Variants in STIM2 observed in about 807,000 individuals in gnomAD.
STIM2 encodes stromal interaction molecule 2.
Under a neutral mutation model 85.8 loss-of-function variants are expected in STIM2, and 31 were observed. The ratio of observed to expected loss-of-function variants is 0.36; its 90% CI spans 0.27 to 0.49. The LOEUF is 0.49. Ranked by LOEUF, STIM2 falls within the 20% of genes least tolerant of loss-of-function variation. The probability of loss-of-function intolerance (pLI) is 0.98; values close to 1 mark genes in which losing one functional copy is unlikely to be tolerated. For missense variants in STIM2, 841 were observed against 927.6 expected (o/e 0.91, Z 1.21); for synonymous variants, 356 against 331.1 (o/e 1.08, Z -0.82).
intron 1 of STIM2, among the ~76,000 whole-genome samples, chr4:26,901,036 C>T (rs1214007439): frequency 6.6e-6 from 1 of 152,158 alleles, no homozygotes; most frequent in Admixed American, 6.5e-5. Flanking sequence ...TAAGAATTTC[C>T]TCTTTCCTTC....
intron 2 of STIM2, among the ~76,000 whole-genome samples, chr4:26,943,636 C>A (rs1435308691): frequency 2.6e-5 from 4 of 152,082 alleles, no homozygotes; most frequent in Admixed American, 2.6e-4. Flanking sequence ...GAAACAGTAT[C>A]TGATAGACCC....
rs1282192959 is a variant in STIM2 at position 26,955,011 on chromosome 4, AT to A, written c.283-2595del. The stretch of plus-strand genomic sequence containing the variant: ...TTTTATTTCTTAGGAATTCTTTATT[AT>A]TTTTTCTTAGAAATTTCTTAGAAAT... On this transcript the variant is annotated intron_variant, in intron 2 of 11. Transcript: ENST00000467087. 1.6e-4 allele frequency among the ~76,000 whole-genome samples: 23 copies of A among 146,384 alleles called. 2 individuals are homozygous for A. In the East Asian group the frequency reaches 3.1e-3, roughly 20 times the overall value.
chr4:26,941,962 A>G lies in STIM2; in HGVS notation c.283-15650A>G, dbSNP rs1725624826. ...TTCTTTTGTAGAAGACAATGAAGAG[A>G]AATCTTTGTATTACTGTAAAACCTG... On this transcript the variant is annotated intron_variant, in intron 2 of 11. Transcript: ENST00000467087. Among the ~76,000 whole-genome samples the G allele has an allele frequency of 2.6e-5, 4 of 152,196 alleles. No homozygotes were observed. The South Asian group carries it at 8.3e-4, about 31-fold the overall frequency.
At chr4:26,979,851 A>G (rs1327761819) in intron 3 of STIM2, among the ~76,000 whole-genome samples, 4 of 152,192 alleles carry the variant, frequency 2.6e-5, no homozygotes, top group East Asian at 1.9e-4. Flanking sequence ...TTCATTTTCT[A>G]TATTTGTTAA....
chr4:26,935,167 G>A (rs562317740), intron 2 of STIM2, among the ~76,000 whole-genome samples: 1 of 152,226 alleles, frequency 6.6e-6, no homozygotes, highest in African/African-American at 2.4e-5. Flanking sequence ...AGGAAGTAAT[G>A]ATTTTGGACG....
At chr4:26,920,881 T>C (rs180899273) in intron 2 of STIM2, among the ~76,000 whole-genome samples, 180 of 152,334 alleles carry the variant, frequency 1.2e-3, no homozygotes, top group Non-Finnish European at 2.0e-3. Context: ...TCTGGACCTA[T>C]TTCTCGATTC....
intron 2 of STIM2, among the ~76,000 whole-genome samples, chr4:26,942,194 C>A (rs1262152565): frequency 6.6e-6 from 1 of 152,064 alleles, no homozygotes; most frequent in African/African-American, 2.4e-5. Flanking sequence ...TAAGCTTTAT[C>A]TTCTCTCCTA....
intron 3 of STIM2, among the ~76,000 whole-genome samples, chr4:26,973,503 A>G (rs1426758309): frequency 6.6e-6 from 1 of 152,116 alleles, no homozygotes; most frequent in South Asian, 2.1e-4. Flanking sequence ...TTTTCCCAGT[A>G]GTCATTCAGG....
At chr4:26,972,735 C>G (rs1460387807) in intron 3 of STIM2, among the ~76,000 whole-genome samples, 2 of 152,146 alleles carry the variant, frequency 1.3e-5, no homozygotes, top group African/African-American at 2.4e-5. Flanking sequence ...GCTTTGGTAT[C>G]AGGTTGATGC....
chr4:27,004,219 G>A (rs1310584750), intron 7 of STIM2, among the ~76,000 whole-genome samples: 1 of 152,088 alleles, frequency 6.6e-6, no homozygotes, highest in Non-Finnish European at 1.5e-5. Context: ...TTTTATAACT[G>A]TTAACCACTC....
rs1725188467 is a variant in STIM2, at chr4:26,931,079, G to A, written c.282+11445G>A. On this transcript the variant is annotated intron_variant, in intron 2 of 11. Transcript: ENST00000467087. Reference sequence around the variant, plus strand: ...TTAGTCTCAGAGGTCCTCAATGGCTGTTGGAGATACCAGTTTTCTGCCGTA... The same window carrying A: ...TTAGTCTCAGAGGTCCTCAATGGCTATTGGAGATACCAGTTTTCTGCCGTA... Among the ~76,000 whole-genome samples the A allele has an allele frequency of 2.6e-5, 4 of 152,130 alleles. No homozygotes were observed. In the South Asian group the frequency reaches 8.3e-4, roughly 32 times the overall value.
chr4:27,012,418 A>G (rs1032615260), intron 10 of STIM2, among the ~76,000 whole-genome samples: 2 of 150,188 alleles, frequency 1.3e-5, no homozygotes, highest in Non-Finnish European at 3.0e-5. Context: ...TTGATAATTT[A>G]TTTTCTCTGT....
At chr4:26,952,384 A>G (rs1726087022) in intron 2 of STIM2, among the ~76,000 whole-genome samples, 1 of 152,162 alleles carries the variant, frequency 6.6e-6, no homozygotes, top group South Asian at 2.1e-4. Flanking sequence ...TTCGTGTCCA[A>G]GAAATCATAC....
rs147058775 is a variant in STIM2 at position 27,009,600 on chromosome 4, A to G, written c.1489+598A>G. Among the ~76,000 whole-genome samples the G allele has an allele frequency of 1.4e-4, 22 of 152,326 alleles. No homozygotes were observed. In the East Asian group the frequency reaches 4.0e-3, roughly 28 times the overall value. The stretch of plus-strand genomic sequence containing the variant: ...TTTTACTTCTCTGGTTTGACAGCAG[A>G]CAGTTAATGCAAGGAGAGTGAGGCG... On this transcript the variant is annotated intron_variant, in intron 10 of 11. Coordinates refer to ENST00000467087, the MANE Select transcript of STIM2 (RefSeq NM_020860.4).
At chr4:26,921,604 C>A (rs930955708) in intron 2 of STIM2, among the ~76,000 whole-genome samples, 2 of 152,156 alleles carry the variant, frequency 1.3e-5, no homozygotes, top group African/African-American at 4.8e-5. Context: ...TTTGCCAACC[C>A]CTGCTGTAAA....
At chr4:26,941,151 A>G (rs1725595911) in intron 2 of STIM2, among the ~76,000 whole-genome samples, 1 of 152,150 alleles carries the variant, frequency 6.6e-6, no homozygotes, top group African/African-American at 2.4e-5. Flanking sequence ...CTTTTTGTAC[A>G]CATCCTGTAT....
intron 1 of STIM2, among the ~76,000 whole-genome samples, chr4:26,869,255 G>A (rs1396974236): frequency 1.4e-5 from 2 of 146,262 alleles, no homozygotes; most frequent in African/African-American, 2.6e-5. Flanking sequence ...GCCCTGATCA[G>A]GCCACTGCAC....
intron 3 of STIM2, among the ~76,000 whole-genome samples, chr4:26,976,592 G>A (rs1727206838): frequency 6.6e-6 from 1 of 151,966 alleles, no homozygotes; most frequent in South Asian, 2.1e-4. Context: ...TGGATCACTT[G>A]AGGTCAGGAG....
chr4:26,940,040 G>T (rs1039448746), intron 2 of STIM2, among the ~76,000 whole-genome samples: 1 of 152,170 alleles, frequency 6.6e-6, no homozygotes, highest in African/African-American at 2.4e-5. Flanking sequence ...GACGAACTTT[G>T]TGAAATGGGA....
Sources: allele counts gnomAD v4.1 joint callset (sites outside exome capture counted in the v4.1 genomes callset), GRCh38; gene constraint gnomAD v4.1.1; transcripts MANE v1.5; gene names NCBI Gene and HGNC (gene_info 2026-07-23, HGNC 2026-07-21).